PLIN1: variants seen among roughly 807,000 people sequenced by gnomAD.
The protein encoded by PLIN1 is perilipin-1.
In PLIN1, 37 loss-of-function variants were observed where a neutral mutation model predicts 45.8. That is an observed-to-expected ratio of 0.81 (90% CI 0.62 to 1.06). The LOEUF (loss-of-function observed/expected upper bound fraction) is 1.06, where lower values mean the gene tolerates loss of function less well. Among genes scored for constraint, PLIN1 ranks in the 50% least tolerant of loss-of-function variants. The pLI, the probability that PLIN1 is intolerant of heterozygous loss-of-function variation, is 0.00. For synonymous variants in PLIN1, 340 were observed against 309.2 expected (o/e 1.10, Z -1.05); for missense variants, 776 against 716.5 (o/e 1.08, Z -0.95).
intron 2 of PLIN1, among the ~76,000 whole-genome samples, chr15:89,676,460 G>C (rs1964518786): frequency 6.6e-6 from 1 of 152,148 alleles, no homozygotes; most frequent in Non-Finnish European, 1.5e-5. Context: ...TGTTAGCCAG[G>C]ATGGTCTTGA....
chr15:89,669,742 C>G (rs2141530537), intron 5 of PLIN1, 70 bp from the exon 6 acceptor site: 1 of 1,418,618 alleles, frequency 7.0e-7, no homozygotes, highest in Non-Finnish European at 9.7e-7. Context: ...TGGGTCATGT[C>G]TAGGACTGGA....
At chr15:89,671,428 G>A in intron 4 of PLIN1, 54 bp downstream of exon 4, 1 of 1,256,064 alleles carries the variant, frequency 8.0e-7, no homozygotes, top group Middle Eastern at 2.1e-4. Context: ...TCTCCTCCCT[G>A]AGAGGCGGTG....
In PLIN1 at chr15:89,667,160, G is replaced by A. The variant is rs147317847; in HGVS notation, c.985C>T (p.Arg329Ter). Residue 329 changes from arginine (R) to a stop codon, truncating the protein, a stop_gained, in exon 8 of 9, where the codon CGA becomes TGA. Coordinates refer to ENST00000300055, the MANE Select transcript of PLIN1 (RefSeq NM_002666.5). LOFTEE classifies it high-confidence loss of function. ...FSEVAALPGP[R>*]GLLGGVAHTL... is the part of the protein sequence containing the mutation. ...TGTGCCACACCACCCAGGAGGCCTCGAGGGCCTGGCAGGGCTGCTACCTGG... is the reference window on the plus strand; with the variant it reads ...TGTGCCACACCACCCAGGAGGCCTCAAGGGCCTGGCAGGGCTGCTACCTGG... The A allele has an allele frequency of 1.5e-5, 25 of 1,613,480 alleles. No homozygotes were observed. Among genetic ancestry groups the A allele is most frequent in the African/African-American group, 5.3e-5 (4 of 74,910 alleles).
chr15:89,667,485 TGCAC>T lies in PLIN1; in HGVS notation c.963+113_963+116del, dbSNP rs1222497631. The stretch of plus-strand genomic sequence containing the variant: ...CATTTGGGGGTGGGGTGAAGGGTGT[TGCAC>T]GCACATGCCGTGCCCCTGCATCTGG... On this transcript the variant is annotated intron_variant, in intron 7 of 8. Transcript: ENST00000300055. The T allele has an allele frequency of 5.4e-6, 8 of 1,483,058 alleles. No individual in the cohort carries two copies. The Admixed American group carries it at 1.3e-4, about 25-fold the overall frequency. 91.9% of individuals were successfully genotyped at this position (1,483,058 alleles called of 1,614,324 possible). A position where few individuals can be genotyped will look rare whatever the true frequency, so the allele number is the denominator to read the frequency against.
intron 2 of PLIN1, chr15:89,677,007 C>G (rs72752523): frequency 2.0e-5 from 4 of 204,984 alleles, no homozygotes; most frequent in Non-Finnish European, 3.0e-5. Flanking sequence ...CCCTTCCCCC[C>G]ACACAGCAGC....
Position 89,667,754 on chromosome 15 carries a change from C to T in PLIN1, c.811G>A (p.Ala271Thr). ...ACTTCGCTCCTCCGCCGGGACACCG[C>T]CTGCATGGCCACTGAGGCACCCCAC... is the stretch of plus-strand genomic sequence containing the variant. Reference protein sequence around the residue: ...AQWGASVAMQAVSRRRSEVRV... With the variant: ...AQWGASVAMQTVSRRRSEVRV... Residue 271 changes from alanine to threonine, a missense_variant, in exon 7 of 9, where the codon GCG (alanine) becomes ACG (threonine). By Grantham distance (58) the Ala-to-Thr change is moderately conservative. Coordinates refer to ENST00000300055, the MANE Select transcript of PLIN1 (RefSeq NM_002666.5). 1 of 1,564,272 alleles carries T rather than the reference C, an allele frequency of 6.4e-7. No homozygotes were observed. Among genetic ancestry groups the T allele is most frequent in the South Asian group, 1.2e-5 (1 of 85,072 alleles).
chr15:89,669,511 C>A lies in PLIN1; in HGVS notation c.760G>T (p.Val254Leu), dbSNP rs540314222. 2.5e-6 allele frequency: 4 copies of A among 1,612,152 alleles called. No individual in the cohort carries two copies. The East Asian group carries it at 8.9e-5, about 36-fold the overall frequency. The change falls in exon 6 of 9, where the codon GTG becomes TTG. Residue 254 changes from valine to leucine, a missense_variant. Coordinates refer to ENST00000300055, the MANE Select transcript of PLIN1 (RefSeq NM_002666.5). ...CGGCAGATACTTACCAGGGGCACCA[C>A]GCCTGGGATCCACATGGCCACGGTG... Reference protein sequence around the residue: ...GHTVAMWIPGVVPLSSLAQWG... With the variant: ...GHTVAMWIPGLVPLSSLAQWG...
intron 7 of PLIN1, 39 bp from the exon 8 acceptor site, chr15:89,667,220 T>C (rs1326071521): frequency 1.2e-6 from 2 of 1,609,464 alleles, no homozygotes; most frequent in Non-Finnish European, 1.7e-6. Context: ...CTGTGGTAAC[T>C]CCCCTGACCC....
In PLIN1 at chr15:89,667,662, C is replaced by T. The variant is rs749626594; in HGVS notation, c.903G>A (p.Thr301=). Residue 301 remains threonine (T), a synonymous_variant, in exon 7 of 9, where the codon ACG becomes ACA. Coordinates refer to ENST00000300055, the MANE Select transcript of PLIN1 (RefSeq NM_002666.5). The stretch of plus-strand genomic sequence containing the variant: ...CCTCCTCCTCCGTGTCCTCTCCCTC[C>T]GTGTCTGTCTGGTCCTCATGATCCT... ...QEEDHEDQTD[T]EGEDTEEEEE... The T allele has an allele frequency of 2.4e-5, 39 of 1,607,928 alleles. No homozygotes were observed. The highest frequency in any genetic ancestry group is 6.8e-5 in the Admixed American group (4 of 59,112).
At chr15:89,676,490 G>T (rs568644760) in intron 2 of PLIN1, 4 of 152,284 alleles carry the variant, frequency 2.6e-5, no homozygotes, top group African/African-American at 9.6e-5. Flanking sequence ...CTTGTGAACC[G>T]CCCGCCTTGG....
At chr15:89,677,193 C>A in intron 2 of PLIN1, 1 of 566,504 alleles carries the variant, frequency 1.8e-6, no homozygotes. Flanking sequence ...CCCCCCGTCC[C>A]TAAGCCAGGA....
At chr15:89,670,855 C>T (rs1379214974) in intron 4 of PLIN1, among the ~76,000 whole-genome samples, 1 of 152,050 alleles carries the variant, frequency 6.6e-6, no homozygotes, top group Non-Finnish European at 1.5e-5. Flanking sequence ...AGAGGGTTGA[C>T]AAGTGGATTA....
chr15:89,677,753 CTT>C (rs766734035), intron 1 of PLIN1: 7,773 of 379,956 alleles, frequency 0.02, no homozygotes, highest in South Asian at 0.031. Flanking sequence ...TTCTTTCTTT[CTT>C]TTTTTTTTTT....
rs1441971115 is a variant in PLIN1 at position 89,673,268 on chromosome 15, G to A, written c.192C>T (p.Ser64=). The A allele has an allele frequency of 7.6e-6, 12 of 1,580,602 alleles. No homozygotes were observed. Among genetic ancestry groups the A allele is most frequent in the East Asian group, 2.3e-5 (1 of 43,104 alleles). Residue 64 remains serine (S), a synonymous_variant, in exon 3 of 9, where the codon AGC becomes AGT. Coordinates refer to ENST00000300055, the MANE Select transcript of PLIN1 (RefSeq NM_002666.5). ...TGCTCCAGGCAGCCAAGCTACTGGCGCTCTGCACGCCCTTCTCATAGGCAT... is the reference window on the plus strand; with the variant it reads ...TGCTCCAGGCAGCCAAGCTACTGGCACTCTGCACGCCCTTCTCATAGGCAT... ...VCNAYEKGVQ[S]ASSLAAWSME...
chr15:89,669,470 G>A, intron 6 of PLIN1, 30 bp downstream of exon 6: 1 of 1,597,728 alleles, frequency 6.3e-7, no homozygotes, highest in Non-Finnish European at 8.5e-7. Context: ...CCAGGCACCG[G>A]GTCAGTCAGA....
In PLIN1 at chr15:89,666,931, C is replaced by T. The variant is rs1964350637; in HGVS notation, c.1209+5G>A. Reference sequence around the variant, plus strand: ...CACTAACAGTTTGCCAGGGGTGGTACTCACCGGCACGTAATGCACCACTGT... The same window carrying T: ...CACTAACAGTTTGCCAGGGGTGGTATTCACCGGCACGTAATGCACCACTGT... On this transcript the variant is annotated splice_donor_5th_base_variant and intron_variant, in intron 8 of 8. Coordinates refer to ENST00000300055, the MANE Select transcript of PLIN1 (RefSeq NM_002666.5). 2 of 1,613,918 alleles carry T rather than the reference C, an allele frequency of 1.2e-6. No individual in the cohort carries two copies. Among genetic ancestry groups the T allele is most frequent in the Admixed American group, 3.3e-5 (2 of 59,978 alleles).
intron 4 of PLIN1, among the ~76,000 whole-genome samples, chr15:89,670,835 C>T (rs748176202): frequency 2.0e-4 from 31 of 152,086 alleles, no homozygotes; most frequent in Non-Finnish European, 5.9e-5. Flanking sequence ...GAGATAACAA[C>T]CCCTATCCCA....
In PLIN1 at chr15:89,669,996, T is replaced by C. The variant is rs751616555; in HGVS notation, c.582A>G (p.Pro194=). Residue 194 remains proline (P), a synonymous_variant, in exon 5 of 9, where the codon CCA becomes CCG. Transcript: ENST00000300055. ...GGCAGGTACCTGACTCTTCCTTGTC[T>C]GGAGGGAGGAGGTACTCCACCACCT... ...IEKVVEYLLP[P]DKEESAPAPG... is the part of the protein sequence containing the mutation. The C allele has an allele frequency of 1.4e-5, 22 of 1,612,092 alleles. No homozygotes were observed.
chr15:89,664,761 G>C lies in PLIN1; in HGVS notation c.*822C>G. ...TTTGCAATATTTGAATTCTGTAATTGTATGAATGCATTTTCTAGATTTATC... is the reference window on the plus strand; with the variant it reads ...TTTGCAATATTTGAATTCTGTAATTCTATGAATGCATTTTCTAGATTTATC... On this transcript the variant is annotated 3_prime_UTR_variant, in exon 9 of 9. Transcript: ENST00000300055. 2.3e-6 allele frequency: 1 copy of C among 428,270 alleles called. No homozygotes were observed. The highest frequency in any genetic ancestry group is 4.7e-6 in the Non-Finnish European group (1 of 211,134). 26.5% of individuals were successfully genotyped at this position (428,270 alleles called of 1,614,324 possible).
Sources: allele counts gnomAD v4.1 joint callset (sites outside exome capture counted in the v4.1 genomes callset), GRCh38; gene constraint gnomAD v4.1.1; transcripts MANE v1.5; gene names NCBI Gene and HGNC (gene_info 2026-07-23, HGNC 2026-07-21).